Variants in LRIF1 observed in about 807,000 individuals in gnomAD.
LRIF1 encodes the protein ligand dependent nuclear receptor interacting factor 1.
Under a neutral mutation model 52.7 loss-of-function variants are expected in LRIF1, and 32 were observed. The observed-to-expected ratio is 0.61, with a 90% confidence interval of 0.46 to 0.82. The LOEUF is 0.82. Among genes scored for constraint, LRIF1 ranks in the 40% least tolerant of loss-of-function variants. The pLI, the probability that LRIF1 is intolerant of heterozygous loss-of-function variation, is 0.00. For missense variants in LRIF1, 887 were observed against 892.0 expected (o/e 0.99, Z 0.07); for synonymous variants, 323 against 317.4 (o/e 1.02, Z -0.19).
At chr1:110,931,839 T>C in the LRIF1 span, among the ~76,000 whole-genome samples, 5 of 152,222 alleles carry the variant, frequency 3.3e-5, no homozygotes, top group Non-Finnish European at 7.3e-5. Flanking sequence ...GTTGTTTGTT[T>C]TTTTCTTGGA....
chr1:110,949,801 A>G, intron 3 of LRIF1, 50 bp downstream of exon 3: 1 of 1,534,852 alleles, frequency 6.5e-7, no homozygotes, highest in Non-Finnish European at 8.9e-7. Flanking sequence ...AGTAATATTC[A>G]TGTATCATTT....
intron 3 of LRIF1, among the ~76,000 whole-genome samples, chr1:110,948,827 T>C (rs555698600): frequency 6.6e-6 from 1 of 152,322 alleles, no homozygotes; most frequent in African/African-American, 2.4e-5. Context: ...TAAGTCAAAG[T>C]ATAACAGTAG....
the LRIF1 span, among the ~76,000 whole-genome samples, chr1:110,921,652 A>G: frequency 6.6e-6 from 1 of 152,208 alleles, no homozygotes; most frequent in Admixed American, 6.5e-5. Flanking sequence ...AAAATTTATA[A>G]AGGCAATGAC....
At chr1:110,904,916 T>C in the LRIF1 span, among the ~76,000 whole-genome samples, 49 of 152,280 alleles carry the variant, frequency 3.2e-4, no homozygotes, top group African/African-American at 1.2e-3. Flanking sequence ...AGGAATTCTA[T>C]CAGATAAATT....
At chr1:110,928,019 T>C in the LRIF1 span, among the ~76,000 whole-genome samples, 1 of 152,204 alleles carries the variant, frequency 6.6e-6, no homozygotes. Context: ...CTCTGAACTC[T>C]GTAAAAGTGC....
chr1:110,920,667 C>A, the LRIF1 span, among the ~76,000 whole-genome samples: 1 of 152,166 alleles, frequency 6.6e-6, no homozygotes, highest in Admixed American at 6.5e-5. Context: ...AAAAGTGAAT[C>A]TTAAACTCTG....
At position 110,950,043 on chromosome 1, in the gene LRIF1, A is replaced by C. The variant is rs923596122; in HGVS notation, c.1677T>G (p.Asn559Lys). ...CATCACTCTTCAGATGTAATGCCTT[A>C]TTACTTCTTCCTTGAGAATCTTTCT... Reference protein sequence around the residue: ...NDKKDSQGRSNKALHLKSDAE... With the variant: ...NDKKDSQGRSKKALHLKSDAE... The change falls in exon 3 of 4, where the codon AAT becomes AAG. Residue 559 changes from asparagine (N) to lysine (K), a missense_variant. Physicochemically the swap from Asn to Lys is moderately conservative, Grantham distance 94 (BLOSUM62 0). Transcript: ENST00000369763. 3 of 1,614,042 alleles carry C rather than the reference A, an allele frequency of 1.9e-6. No individual in the cohort carries two copies. The Admixed American group carries it at 5.0e-5, about 27-fold the overall frequency.
At chr1:110,889,157 T>G in the LRIF1 span, among the ~76,000 whole-genome samples, 1 of 152,204 alleles carries the variant, frequency 6.6e-6, no homozygotes, top group African/African-American at 2.4e-5. Flanking sequence ...TATTTATTCA[T>G]AGATGTGTCT....
At chr1:110,897,866 A>T in the LRIF1 span, 1 of 1,611,362 alleles carries the variant, frequency 6.2e-7, no homozygotes, top group South Asian at 1.1e-5. Flanking sequence ...TATCGGAATC[A>T]TCACCATCTG....
chr1:110,937,316 C>G, the LRIF1 span: 1 of 151,938 alleles, frequency 6.6e-6, no homozygotes, highest in Non-Finnish European at 1.5e-5. Context: ...CAAGGATATA[C>G]CATATTTTAG....
At chr1:110,937,554 C>A in the LRIF1 span, 3 of 151,814 alleles carry the variant, frequency 2.0e-5, no homozygotes, top group African/African-American at 7.3e-5. Flanking sequence ...CACAACATAC[C>A]AAAACTTACA....
In LRIF1 at chr1:110,949,181, G is replaced by A. The variant is rs937725323; in HGVS notation, c.1869+670C>T. Among the ~76,000 whole-genome samples the A allele has an allele frequency of 4.6e-5, 7 of 151,828 alleles. No homozygotes were observed. The East Asian group carries it at 1.2e-3, about 25-fold the overall frequency. On this transcript the variant is annotated intron_variant, in intron 3 of 3. Coordinates refer to ENST00000369763, the MANE Select transcript of LRIF1 (RefSeq NM_018372.4). ...TTGCCAGACTGGAGTGCAGTGGTGC[G>A]ATCTCAGCTCACTGCAACCTCTGCC...
At chr1:110,885,532 T>C in the LRIF1 span, among the ~76,000 whole-genome samples, 2 of 151,214 alleles carry the variant, frequency 1.3e-5, no homozygotes, top group Admixed American at 6.6e-5. Flanking sequence ...AGCGAGACTC[T>C]GTCTCAAAAA....
At chr1:110,933,387 A>G in the LRIF1 span, among the ~76,000 whole-genome samples, 1 of 152,154 alleles carries the variant, frequency 6.6e-6, no homozygotes, top group South Asian at 2.1e-4. Context: ...TCAGGTGAGC[A>G]CTCAGTACCT....
In LRIF1 at chr1:110,952,235, T is replaced by A; in HGVS notation, c.649A>T (p.Thr217Ser). 6.2e-7 allele frequency: 1 copy of A among 1,614,192 alleles called. No homozygotes were observed. Among genetic ancestry groups the A allele is most frequent in the South Asian group, 1.1e-5 (1 of 91,088 alleles). Reference protein sequence around the residue: ...QKILATATTSTSGMVEASQMP... With the variant: ...QKILATATTSSSGMVEASQMP... Reference sequence around the variant, plus strand: ...TGGGAGGCCTCAACCATTCCTGAGGTACTGGTGGTGGCAGTTGCAAGTATC... The same window carrying A: ...TGGGAGGCCTCAACCATTCCTGAGGAACTGGTGGTGGCAGTTGCAAGTATC... The change falls in exon 2 of 4, where the codon ACC (threonine) becomes TCC (serine). Residue 217 changes from threonine to serine, a missense_variant. By Grantham distance (58) the Thr-to-Ser change is moderately conservative. Coordinates refer to ENST00000369763, the MANE Select transcript of LRIF1 (RefSeq NM_018372.4).
chr1:110,883,136 T>C, the LRIF1 span, among the ~76,000 whole-genome samples: 1 of 151,972 alleles, frequency 6.6e-6, no homozygotes, highest in African/African-American at 2.4e-5. Flanking sequence ...TTCCTCCTTA[T>C]ATAAGGGTAA....
the LRIF1 span, among the ~76,000 whole-genome samples, chr1:110,909,473 C>G: frequency 6.6e-6 from 1 of 151,006 alleles, no homozygotes; most frequent in East Asian, 2.0e-4. Flanking sequence ...ATACTGTCCT[C>G]AAGAGAGTCA....
the LRIF1 span, chr1:110,897,883 T>C: frequency 1.2e-6 from 2 of 1,601,744 alleles, no homozygotes; most frequent in Non-Finnish European, 8.5e-7. Context: ...TCTGTGTATG[T>C]GTGATTGAGG....
the LRIF1 span, chr1:110,898,033 C>T: frequency 2.0e-6 from 1 of 509,780 alleles, no homozygotes; most frequent in Non-Finnish European, 3.5e-6. Flanking sequence ...AGCCAAGTAG[C>T]AAATAATGTA....
Sources: gnomAD v4.1 joint callset for allele counts (sites outside exome capture counted in the v4.1 genomes callset) on GRCh38, gnomAD v4.1.1 for gene constraint, MANE v1.5 for transcripts, NCBI Gene and HGNC (gene_info 2026-07-23, HGNC 2026-07-21) for gene names.